Variants in ALOX15 observed in about 807,000 individuals in gnomAD.
ALOX15 encodes arachidonate 15-lipoxygenase.
ALOX15 carries 68 observed loss-of-function variants against 71.7 expected under a neutral mutation model. That is an observed-to-expected ratio of 0.95 (90% confidence interval 0.78 to 1.16). ALOX15 has a LOEUF of 1.16. Ranked by LOEUF, ALOX15 falls within the 50% of genes most tolerant of loss-of-function variation. ALOX15 has a pLI of 0.00. For missense variants in ALOX15, 798 were observed against 818.8 expected (o/e 0.97, Z 0.31); for synonymous variants, 346 against 333.3 (o/e 1.04, Z -0.42).
chr17:4,636,313 C>T (rs979227229), intron 7 of ALOX15, among the ~76,000 whole-genome samples: 1 of 152,158 alleles, frequency 6.6e-6, no homozygotes, highest in Non-Finnish European at 1.5e-5. Context: ...CTTTTGGCCC[C>T]ACCTCTACAC....
rs532070814 is a variant in ALOX15 at position 4,630,970 on chromosome 17, C to G, written c.*630G>C. The stretch of plus-strand genomic sequence containing the variant: ...TAGTTCAGTCCTAGTTCTTTTCCAT[C>G]TTTAGCGTAAAACAACTTTTTATTA... On this transcript the variant is annotated 3_prime_UTR_variant, in exon 14 of 14. Transcript: ENST00000293761. The G allele has an allele frequency of 1.6e-4, 24 of 152,340 alleles. No individual in the cohort carries two copies. Among genetic ancestry groups the G allele is most frequent in the African/African-American group, 5.8e-4 (24 of 41,582 alleles). 9.4% of individuals were successfully genotyped at this position (152,340 alleles called of 1,614,324 possible).
intron 7 of ALOX15, 115 bp downstream of exon 7, chr17:4,637,000 G>T: frequency 1.6e-6 from 2 of 1,279,966 alleles, no homozygotes; most frequent in South Asian, 1.5e-5. Flanking sequence ...CTCCTTTCGC[G>T]TCTCCCAGGT....
chr17:4,631,532 T>G lies in ALOX15; in HGVS notation c.*68A>C. ...AGGGTGGGACTTGGGAGGGCAGGGC[T>G]ATAACCACGAAGGGGTCAGCTTGTG... On this transcript the variant is annotated 3_prime_UTR_variant, in exon 14 of 14. Transcript: ENST00000293761. The G allele has an allele frequency of 6.3e-7, 1 of 1,576,274 alleles. No homozygotes were observed. Among genetic ancestry groups the G allele is most frequent in the South Asian group, 1.2e-5 (1 of 85,158 alleles).
chr17:4,635,996 A>G, intron 7 of ALOX15, 28 bp from the exon 8 acceptor site: 1 of 1,608,414 alleles, frequency 6.2e-7, no homozygotes, highest in Non-Finnish European at 8.5e-7. Context: ...GTGGGGAGAG[A>G]AGGCATGAGT....
chr17:4,641,662 G>T lies in ALOX15; in HGVS notation c.-11C>A. Reference sequence around the variant, plus strand: ...GCGGTAGAGACCCATCTTGCTCAAAGATGTTTCGCTCCTTCTGGTGGAGAA... The same window carrying T: ...GCGGTAGAGACCCATCTTGCTCAAATATGTTTCGCTCCTTCTGGTGGAGAA... On this transcript the variant is annotated 5_prime_UTR_variant, in exon 1 of 14. Transcript: ENST00000293761. 1 of 1,577,568 alleles carries T rather than the reference G, an allele frequency of 6.3e-7. No homozygotes were observed. Among genetic ancestry groups the T allele is most frequent in the Non-Finnish European group, 8.6e-7 (1 of 1,167,866 alleles).
At chr17:4,638,015 A>G (rs11568104) in intron 6 of ALOX15, among the ~76,000 whole-genome samples, 92 of 152,236 alleles carry the variant, frequency 6.0e-4, no homozygotes, top group African/African-American at 2.0e-3. Flanking sequence ...TCCATCTTGC[A>G]CGCCCTCCCT....
chr17:4,633,581 A>C, intron 8 of ALOX15, 81 bp from the exon 9 acceptor site: 1 of 1,217,446 alleles, frequency 8.2e-7, no homozygotes. Context: ...GACAGCAGGA[A>C]AGGCACCAGG....
At chr17:4,633,946 G>A (rs749122132) in intron 8 of ALOX15, among the ~76,000 whole-genome samples, 1 of 152,122 alleles carries the variant, frequency 6.6e-6, no homozygotes, top group Non-Finnish European at 1.5e-5. Context: ...AGCCAAATAT[G>A]GTATGTTCTT....
Position 4,631,362 on chromosome 17 carries a change from G to A in ALOX15, c.*238C>T. On this transcript the variant is annotated 3_prime_UTR_variant, in exon 14 of 14. Coordinates refer to ENST00000293761, the MANE Select transcript of ALOX15 (RefSeq NM_001140.5). ...CCATATAGATCTGAATGAAGAAAGAGGAAGAGAGAGAGGAAGGAAGATAGG... is the reference window on the plus strand; with the variant it reads ...CCATATAGATCTGAATGAAGAAAGAAGAAGAGAGAGAGGAAGGAAGATAGG... 3.6e-6 allele frequency: 2 copies of A among 554,782 alleles called. No homozygotes were observed. The highest frequency in any genetic ancestry group is 6.4e-6 in the Non-Finnish European group (2 of 314,392). The allele number at this position is 554,782 out of a possible 1,614,324, so 34.4% of individuals were successfully genotyped here.
At chr17:4,633,563 C>A in intron 8 of ALOX15, 63 bp from the exon 9 acceptor site, 1 of 1,400,536 alleles carries the variant, frequency 7.1e-7, no homozygotes, top group Non-Finnish European at 1.0e-6. Context: ...CTGCAGGAAA[C>A]AAGGGCTGAC....
At chr17:4,635,238 C>T (rs1911055311) in intron 8 of ALOX15, among the ~76,000 whole-genome samples, 1 of 151,972 alleles carries the variant, frequency 6.6e-6, no homozygotes, top group Non-Finnish European at 1.5e-5. Context: ...CGAGACCAGC[C>T]TGGCCAACAT....
At chr17:4,636,548 T>TC (rs890691670) in intron 7 of ALOX15, among the ~76,000 whole-genome samples, 1 of 151,940 alleles carries the variant, frequency 6.6e-6, no homozygotes, top group Non-Finnish European at 1.5e-5. Context: ...ACATCCGAGC[T>TC]CCCCTCCTCC....
At position 4,635,962 on chromosome 17, in the gene ALOX15, G is replaced by A; in HGVS notation, c.958C>T (p.Leu320=). 6.2e-7 allele frequency: 1 copy of A among 1,613,456 alleles called. No individual in the cohort carries two copies. The highest frequency in any genetic ancestry group is 1.1e-5 in the South Asian group (1 of 91,058). ...KLLPMVIQLQ[L]PRTGSPPPPL... Reference sequence around the variant, plus strand: ...GGTGGTGGGGATCCTGTGCGGGGCAGCTGGAGCTGGAGCAGGGACAAGTGT... The same window carrying A: ...GGTGGTGGGGATCCTGTGCGGGGCAACTGGAGCTGGAGCAGGGACAAGTGT... The change falls in exon 8 of 14, where the codon CTG becomes TTG. Residue 320 remains leucine (L), a synonymous_variant. Transcript: ENST00000293761.
chr17:4,633,086 T>C, intron 10 of ALOX15, 60 bp downstream of exon 10: 1 of 1,608,396 alleles, frequency 6.2e-7, no homozygotes, highest in Non-Finnish European at 8.5e-7. Flanking sequence ...GACCTCCTGC[T>C]CTCCTACATG....
Position 4,635,873 on chromosome 17 carries a change from G to A in ALOX15, c.1047C>T (p.Ser349=), listed in dbSNP as rs781543202. The change falls in exon 8 of 14, where the codon AGC becomes AGT. Residue 349 remains serine, a synonymous_variant. Coordinates refer to ENST00000293761, the MANE Select transcript of ALOX15 (RefSeq NM_001140.5). ...GCAGCTCATGGAGCTGGAAGTCAGA[G>A]CTGCGCACCCAGCATTTGGCCAGAA... is the stretch of plus-strand genomic sequence containing the variant. ...AWLLAKCWVR[S]SDFQLHELQS... The A allele has an allele frequency of 6.2e-7, 1 of 1,614,252 alleles. No individual in the cohort carries two copies. Among genetic ancestry groups the A allele is most frequent in the South Asian group, 1.1e-5 (1 of 91,088 alleles).
Position 4,635,740 on chromosome 17 carries a change from G to A in ALOX15, c.1161+19C>T. 1.2e-6 allele frequency: 2 copies of A among 1,613,484 alleles called. No individual in the cohort carries two copies. Among genetic ancestry groups the A allele is most frequent in the Non-Finnish European group, 1.7e-6 (2 of 1,179,464 alleles). On this transcript the variant is annotated intron_variant, in intron 8 of 13. Transcript: ENST00000293761. Reference sequence around the variant, plus strand: ...GGCAGAGATAGTGGCAGGCAAGAGAGAAGGGGATAAGGAGTTACCTTGAAG... The same window carrying A: ...GGCAGAGATAGTGGCAGGCAAGAGAAAAGGGGATAAGGAGTTACCTTGAAG...
At chr17:4,641,469 C>G (rs1468645038) in intron 1 of ALOX15, 48 bp downstream of exon 1, 3 of 1,594,930 alleles carry the variant, frequency 1.9e-6, no homozygotes, top group African/African-American at 1.3e-5. Context: ...ATTTGACTGA[C>G]TCGGAGCCAG....
intron 2 of ALOX15, 42 bp from the exon 3 acceptor site, chr17:4,639,174 G>A: frequency 6.2e-7 from 1 of 1,609,930 alleles, no homozygotes; most frequent in Non-Finnish European, 8.5e-7. Flanking sequence ...CTTTTGGTGA[G>A]CGCCTCTTCT....
At chr17:4,634,977 T>C (rs1207256388) in intron 8 of ALOX15, among the ~76,000 whole-genome samples, 1 of 148,266 alleles carries the variant, frequency 6.7e-6, no homozygotes, top group Non-Finnish European at 1.5e-5. Context: ...ATAATAATAA[T>C]AATAATATTT....
Sources: allele counts gnomAD v4.1 joint callset (sites outside exome capture counted in the v4.1 genomes callset), GRCh38; gene constraint gnomAD v4.1.1; transcripts MANE v1.5; gene names NCBI Gene and HGNC (gene_info 2026-07-23, HGNC 2026-07-21).